Variants in ZMYM5 observed in about 807,000 individuals in gnomAD.
The protein encoded by ZMYM5 is zinc finger MYM-type protein 5.
ZMYM5 carries 41 observed loss-of-function variants against 61.8 expected under a neutral mutation model. The ratio of observed to expected loss-of-function variants is 0.66; its 90% CI spans 0.52 to 0.86. The LOEUF is 0.86. ZMYM5 is among the 40% of genes least tolerant of loss of function. ZMYM5 has a pLI of 0.00. For synonymous variants in ZMYM5, 257 were observed against 276.4 expected (o/e 0.93, Z 0.70); for missense variants, 706 against 786.7 (o/e 0.90, Z 1.23).
chr13:19,842,005 T>TGG (rs1240619401), intron 4 of ZMYM5: 1 of 152,312 alleles, frequency 6.6e-6, no homozygotes, highest in Non-Finnish European at 1.5e-5. Flanking sequence ...TTAGTAGAGA[T>TGG]GGGGTTTCAC....
intron 2 of ZMYM5, among the ~76,000 whole-genome samples, chr13:19,854,550 G>T (rs942064396): frequency 3.3e-5 from 5 of 151,346 alleles, no homozygotes; most frequent in Non-Finnish European, 4.4e-5. Context: ...GCTTGAACCC[G>T]GGAGGCAGAG....
Position 19,847,799 on chromosome 13 carries a change from G to A in ZMYM5, c.586+3556C>T, listed in dbSNP as rs1953132852. On this transcript the variant is annotated intron_variant, in intron 4 of 7. Coordinates refer to ENST00000337963, the MANE Select transcript of ZMYM5 (RefSeq NM_001142684.2). The stretch of plus-strand genomic sequence containing the variant: ...CTACAGGCACCTGCCACCATGCCCG[G>A]CTAATTTTTTTTTTTTTTTTTTTTT... Among the ~76,000 whole-genome samples, 3 of 103,024 alleles carry A rather than the reference G, an allele frequency of 2.9e-5. No individual in the cohort carries two copies. In the South Asian group the frequency reaches 1.2e-3, roughly 42 times the overall value. 67.6% of individuals were successfully genotyped at this position (103,024 alleles called of 152,430 possible). A position where few individuals can be genotyped will look rare whatever the true frequency, so the allele number is the denominator to read the frequency against.
At chr13:19,825,874 C>T (rs774368171) in intron 7 of ZMYM5, among the ~76,000 whole-genome samples, 1 of 151,966 alleles carries the variant, frequency 6.6e-6, no homozygotes, top group South Asian at 2.1e-4. Context: ...AACCCCGTCT[C>T]TGCTAAAAAT....
In ZMYM5 at chr13:19,832,012, C is replaced by G. The variant is rs567527303; in HGVS notation, c.1251+3465G>C. Among the ~76,000 whole-genome samples, 19 of 150,902 alleles carry G rather than the reference C, an allele frequency of 1.3e-4. No homozygotes were observed. The South Asian group carries it at 3.8e-3, about 30-fold the overall frequency. ...CTGGGATTACAGGTGTTCACCACCA[C>G]GGCCTGGCTAACTTTTTGTATTTTT... On this transcript the variant is annotated intron_variant, in intron 7 of 7. Coordinates refer to ENST00000337963, the MANE Select transcript of ZMYM5 (RefSeq NM_001142684.2).
chr13:19,861,800 AGG>A (rs1953772999), intron 2 of ZMYM5, among the ~76,000 whole-genome samples: 1 of 152,004 alleles, frequency 6.6e-6, no homozygotes, highest in African/African-American at 2.4e-5. Flanking sequence ...TGACAGAGAA[AGG>A]GCATTTGTAC....
rs926252072 is a variant in ZMYM5, at chr13:19,852,117, T to C, written c.64A>G (p.Met22Val). 2 of 1,613,468 alleles carry C rather than the reference T, an allele frequency of 1.2e-6. No individual in the cohort carries two copies. Among genetic ancestry groups the C allele is most frequent in the African/African-American group, 1.3e-5 (1 of 75,038 alleles). The change falls in exon 3 of 8, where the codon ATG becomes GTG. Residue 22 changes from methionine to valine, a missense_variant. This residue lies in a region of ZMYM5 where 480 missense variants were observed against 461.7 expected (regional missense o/e 1.04). Coordinates refer to ENST00000337963, the MANE Select transcript of ZMYM5 (RefSeq NM_001142684.2). ...TEQTPALLGN[M>V]AMATSLMDIG... ...TCCATGAGACTAGTTGCCATGGCCA[T>C]ATTCCCTAATAAAGCAGGAGTCTGT...
At chr13:19,827,814 G>T (rs191814784) in intron 7 of ZMYM5, among the ~76,000 whole-genome samples, 1 of 150,038 alleles carries the variant, frequency 6.7e-6, no homozygotes, top group Non-Finnish European at 1.5e-5. Context: ...GGCGGATCAC[G>T]AGGTCAGGAG....
intron 2 of ZMYM5, among the ~76,000 whole-genome samples, chr13:19,861,021 G>A (rs1027104260): frequency 6.1e-5 from 9 of 147,934 alleles, no homozygotes; most frequent in Non-Finnish European, 1.0e-4. Flanking sequence ...TGGCTCTGTC[G>A]CCCAGCCTGG....
intron 7 of ZMYM5, among the ~76,000 whole-genome samples, chr13:19,835,050 G>A (rs1439477450): frequency 6.6e-6 from 1 of 150,908 alleles, no homozygotes; most frequent in Non-Finnish European, 1.5e-5. Flanking sequence ...GAGTGCAGTG[G>A]TACAATCATA....
intron 2 of ZMYM5, among the ~76,000 whole-genome samples, chr13:19,860,039 G>C (rs1230606960): frequency 6.9e-6 from 1 of 144,074 alleles, no homozygotes; most frequent in Non-Finnish European, 1.5e-5. Flanking sequence ...AGGAGGCAGA[G>C]GTTGCAGTGA....
intron 2 of ZMYM5, among the ~76,000 whole-genome samples, chr13:19,860,472 AT>A (rs746530825): frequency 3.4e-5 from 4 of 118,232 alleles, no homozygotes; most frequent in Admixed American, 8.0e-5. Context: ...GTGTGTGTGT[AT>A]TTTTTTTTTT....
At chr13:19,846,826 C>T (rs1279354357) in intron 4 of ZMYM5, among the ~76,000 whole-genome samples, 1 of 151,426 alleles carries the variant, frequency 6.6e-6, no homozygotes, top group Non-Finnish European at 1.5e-5. Context: ...ACTTAGGAGG[C>T]TGAGGTGGGA....
intron 4 of ZMYM5, among the ~76,000 whole-genome samples, chr13:19,850,179 C>G (rs1351359460): frequency 2.6e-5 from 4 of 152,120 alleles, no homozygotes; most frequent in Non-Finnish European, 1.5e-5. Context: ...TAAAAAATCA[C>G]TTGTTATGTT....
intron 7 of ZMYM5, among the ~76,000 whole-genome samples, chr13:19,830,845 T>C (rs1055070420): frequency 5.4e-5 from 8 of 147,566 alleles, no homozygotes; most frequent in East Asian, 2.0e-4. Flanking sequence ...TTTTCTTTTT[T>C]TTTTTTTTTT....
intron 4 of ZMYM5, among the ~76,000 whole-genome samples, chr13:19,848,691 G>A (rs1953174125): frequency 6.6e-6 from 1 of 151,976 alleles, no homozygotes; most frequent in African/African-American, 2.4e-5. Flanking sequence ...ATGCCACCAT[G>A]CCTGGCTACT....
intron 2 of ZMYM5, among the ~76,000 whole-genome samples, chr13:19,858,872 GAA>G (rs1953611444): frequency 6.6e-6 from 1 of 152,182 alleles, no homozygotes; most frequent in South Asian, 2.1e-4. Context: ...CAGATGCTAA[GAA>G]AAGAGGTTGA....
intron 7 of ZMYM5, among the ~76,000 whole-genome samples, chr13:19,835,198 C>T (rs1952637562): frequency 6.6e-6 from 1 of 152,058 alleles, no homozygotes; most frequent in South Asian, 2.1e-4. Context: ...TCTCACTATG[C>T]TGCCCAGGAT....
Position 19,851,445 on chromosome 13 carries a change from T to C in ZMYM5, c.496A>G (p.Lys166Glu). 1.9e-6 allele frequency: 3 copies of C among 1,614,038 alleles called. No individual in the cohort carries two copies. The highest frequency in any genetic ancestry group is 2.2e-5 in the East Asian group (1 of 44,874). Residue 166 changes from lysine (K) to glutamate (E), a missense_variant, in exon 4 of 8, where the codon AAG becomes GAG. Around this residue, in one of 2 missense-constraint regions of ZMYM5, gnomAD observed 480 missense variants for 461.7 expected, o/e 1.04. Coordinates refer to ENST00000337963, the MANE Select transcript of ZMYM5 (RefSeq NM_001142684.2). ...STSSLSRSKT[K>E]TGVRPFNPGR... is the part of the protein sequence containing the mutation. Reference sequence around the variant, plus strand: ...GGGTTAAAAGGTCTTACTCCAGTCTTGGTCTGTGGAGTTAAAGATGGGGTG... The same window carrying C: ...GGGTTAAAAGGTCTTACTCCAGTCTCGGTCTGTGGAGTTAAAGATGGGGTG...
intron 4 of ZMYM5, among the ~76,000 whole-genome samples, chr13:19,840,246 C>T (rs1952820374): frequency 6.6e-6 from 1 of 152,144 alleles, no homozygotes; most frequent in Admixed American, 6.6e-5. Context: ...AAGACTCAGC[C>T]TAGGCAGGGT....
Sources: gnomAD v4.1 joint callset for allele counts (sites outside exome capture counted in the v4.1 genomes callset) on GRCh38, gnomAD v4.1.1 for gene constraint, gnomAD v4.1.1 regional missense constraint, MANE v1.5 for transcripts, NCBI Gene and HGNC (gene_info 2026-07-23, HGNC 2026-07-21) for gene names.